The following SLC9A8 variants were observed in gnomAD, a reference collection of about 807,000 sequenced individuals.
The protein encoded by SLC9A8 is sodium/hydrogen exchanger 8.
SLC9A8 carries 48 observed loss-of-function variants against 66.6 expected under a neutral mutation model. The ratio of observed to expected loss-of-function variants is 0.72; its 90% CI spans 0.57 to 0.92. The LOEUF is 0.92. SLC9A8 is among the 40% of genes least tolerant of loss of function. SLC9A8 has a pLI of 0.00. For synonymous variants in SLC9A8, 274 were observed against 282.6 expected (o/e 0.97, Z 0.31); for missense variants, 599 against 747.3 (o/e 0.80, Z 2.31).
intron 11 of SLC9A8, 28 bp from the exon 12 acceptor site, chr20:49,877,953 G>A (rs926211616): frequency 2.0e-6 from 3 of 1,518,646 alleles, no homozygotes; most frequent in African/African-American, 2.8e-5. Context: ...CATTGGGGTT[G>A]AATAATCCAT....
intron 13 of SLC9A8, 42 bp downstream of exon 13, chr20:49,881,077 T>C (rs1255921915): frequency 2.2e-6 from 3 of 1,382,082 alleles, no homozygotes; most frequent in South Asian, 2.3e-5. Flanking sequence ...AAGTACCTGT[T>C]AAAAGCACGC....
In SLC9A8 at chr20:49,884,338, C is replaced by CACACACACACACACACACACACACACA. The variant is rs1600823664; in HGVS notation, c.1491+272_1491+273insACACACACACACACACACACACACACA. ...CACACACACACACACACACACACAC[C>CACACACACACACACACACACACACACA]CCCCGGTCATCCCCCCTGAGAAGGA... On this transcript the variant is annotated intron_variant, in intron 14 of 15. Transcript: ENST00000361573. Among the ~76,000 whole-genome samples, 78 of 44,606 alleles carry CACACACACACACACACACACACACACA rather than the reference C, an allele frequency of 1.7e-3. 27 individuals are homozygous for CACACACACACACACACACACACACACA. The highest frequency in any genetic ancestry group is 3.6e-3 in the South Asian group (4 of 1,110). The allele number at this position is 44,606 out of a possible 152,430, so 29.3% of individuals were successfully genotyped here.
intron 10 of SLC9A8, among the ~76,000 whole-genome samples, chr20:49,869,288 C>T (rs1013783654): frequency 4.6e-5 from 7 of 152,098 alleles, no homozygotes; most frequent in Non-Finnish European, 1.0e-4. Flanking sequence ...GGTGCCATCT[C>T]GGCTCACTGC....
intron 7 of SLC9A8, among the ~76,000 whole-genome samples, chr20:49,851,134 G>A (rs554474428): frequency 5.9e-5 from 9 of 152,302 alleles, no homozygotes; most frequent in Admixed American, 2.6e-4. Flanking sequence ...CTGTGTGCAC[G>A]CGTACACTGT....
rs1555848157 is a variant in SLC9A8 at position 49,884,221 on chromosome 20, C to CACACACACG, written c.1491+163_1491+164insGACACACAC. The CACACACACG allele has an allele frequency of 2.2e-3, 646 of 288,988 alleles. 1 individual carries two copies. The East Asian group carries it at 0.034, about 15-fold the overall frequency. The allele number at this position is 288,988 out of a possible 1,614,324, so 17.9% of individuals were successfully genotyped here. A position where few individuals can be genotyped will look rare whatever the true frequency, so the allele number is the denominator to read the frequency against. On this transcript the variant is annotated intron_variant, in intron 14 of 15. Transcript: ENST00000361573. ...CACGACACACACACACACACACACA[C>CACACACACG]ACACACACACACACACACACGACAC...
intron 13 of SLC9A8, among the ~76,000 whole-genome samples, chr20:49,882,529 G>A (rs1332145829): frequency 1.3e-5 from 2 of 152,168 alleles, no homozygotes; most frequent in Admixed American, 1.3e-4. Context: ...CACGTGTTCT[G>A]CACTTCACTG....
chr20:49,860,196 A>G (rs1041023579), intron 8 of SLC9A8, among the ~76,000 whole-genome samples: 4 of 152,172 alleles, frequency 2.6e-5, no homozygotes, highest in African/African-American at 9.7e-5. Flanking sequence ...TGGCTGCCAC[A>G]TTCCTCAAGG....
Position 49,862,983 on chromosome 20 carries a change from A to G in SLC9A8, c.768A>G (p.Thr256=). Reference sequence around the variant, plus strand: ...TGTCAGATGTCAGTGGGTGGCAAACATTTTTACAAGCCCTTGACTACTTCC... The same window carrying G: ...TGTCAGATGTCAGTGGGTGGCAAACGTTTTTACAAGCCCTTGACTACTTCC... ...KNMSDVSGWQ[T]FLQALDYFLK... Residue 256 remains threonine (T), a synonymous_variant, in exon 9 of 16, where the codon ACA becomes ACG. Coordinates refer to ENST00000361573, the MANE Select transcript of SLC9A8 (RefSeq NM_015266.3). 1 of 1,613,940 alleles carries G rather than the reference A, an allele frequency of 6.2e-7. No individual in the cohort carries two copies. The highest frequency in any genetic ancestry group is 8.5e-7 in the Non-Finnish European group (1 of 1,179,820).
chr20:49,850,872 G>A (rs771774954), intron 7 of SLC9A8, 28 bp downstream of exon 7: 1 of 1,544,456 alleles, frequency 6.5e-7, no homozygotes, highest in South Asian at 1.2e-5. Flanking sequence ...TAACACCCAT[G>A]CGACTGCTTT....
chr20:49,883,079 C>T (rs2089693275), intron 13 of SLC9A8, among the ~76,000 whole-genome samples: 1 of 148,560 alleles, frequency 6.7e-6, no homozygotes, highest in Non-Finnish European at 1.5e-5. Context: ...GTGCCTCCTC[C>T]CAGCTGCTCT....
Position 49,883,827 on chromosome 20 carries a change from A to ACTG in SLC9A8, c.1271-18_1271-16dup. On this transcript the variant is annotated intron_variant, in intron 13 of 15. Coordinates refer to ENST00000361573, the MANE Select transcript of SLC9A8 (RefSeq NM_015266.3). ...CTGCCTCTTCACTGTGTCCTCTCACACTGTTTGCTGTCACCCAGGCCTGCG... is the reference window on the plus strand; with the variant it reads ...CTGCCTCTTCACTGTGTCCTCTCACACTGCTGTTTGCTGTCACCCAGGCCTGCG... 1 of 1,594,028 alleles carries ACTG rather than the reference A, an allele frequency of 6.3e-7. No homozygotes were observed. Among genetic ancestry groups the ACTG allele is most frequent in the Non-Finnish European group, 8.5e-7 (1 of 1,173,250 alleles).
chr20:49,867,333 T>G (rs963874950), intron 10 of SLC9A8, among the ~76,000 whole-genome samples: 1 of 152,172 alleles, frequency 6.6e-6, no homozygotes, highest in African/African-American at 2.4e-5. Flanking sequence ...GTTTAATCCT[T>G]CTTGAGGCTT....
chr20:49,830,648 G>A, intron 3 of SLC9A8: 1 of 633,894 alleles, frequency 1.6e-6, no homozygotes, highest in African/African-American at 1.8e-5. Flanking sequence ...CTGGAGACAG[G>A]GGCCTATAGG....
intron 3 of SLC9A8, among the ~76,000 whole-genome samples, chr20:49,828,952 T>C (rs1347526615): frequency 2.0e-5 from 3 of 151,918 alleles, no homozygotes; most frequent in African/African-American, 7.3e-5. Flanking sequence ...CATTTATTTC[T>C]TTTTAACACA....
intron 6 of SLC9A8, 181 bp from the exon 7 acceptor site, chr20:49,850,629 A>G (rs537439852): frequency 9.7e-6 from 6 of 620,526 alleles, no homozygotes; most frequent in South Asian, 2.5e-5. Context: ...CTCTCGTTGC[A>G]TGCCGATGGA....
chr20:49,832,166 C>T (rs974866008), intron 3 of SLC9A8, among the ~76,000 whole-genome samples: 4 of 152,208 alleles, frequency 2.6e-5, no homozygotes, highest in African/African-American at 4.8e-5. Context: ...CCACCTTCCT[C>T]TCATGGAGAC....
At chr20:49,824,970 C>T (rs6067243) in intron 3 of SLC9A8, among the ~76,000 whole-genome samples, 2 of 152,014 alleles carry the variant, frequency 1.3e-5, no homozygotes, top group East Asian at 1.9e-4. Context: ...AGTAATGAGA[C>T]ATTTCCCCTT....
At position 49,878,070 on chromosome 20, in the gene SLC9A8, A is replaced by AT; in HGVS notation, c.1158+11dup. The AT allele has an allele frequency of 6.5e-7, 1 of 1,528,644 alleles. No individual in the cohort carries two copies. Among genetic ancestry groups the AT allele is most frequent in the African/African-American group, 1.4e-5 (1 of 70,198 alleles). The allele number at this position is 1,528,644 out of a possible 1,614,324, so 94.7% of individuals were successfully genotyped here. ...CTTTGTCATCTGGTGCATAGTAAGT[A>AT]TTTTCCTTTTTTTTTTTAAATTTAA... On this transcript the variant is annotated splice_region_variant and intron_variant, in intron 12 of 15. Coordinates refer to ENST00000361573, the MANE Select transcript of SLC9A8 (RefSeq NM_015266.3).
intron 3 of SLC9A8, chr20:49,831,021 A>G (rs1237197116): frequency 5.4e-6 from 4 of 739,212 alleles, no homozygotes; most frequent in Non-Finnish European, 7.6e-6. Flanking sequence ...CAGGTGTACA[A>G]AAGAGCCAAG....
Sources: gnomAD v4.1 joint callset for allele counts (sites outside exome capture counted in the v4.1 genomes callset) on GRCh38, gnomAD v4.1.1 for gene constraint, MANE v1.5 for transcripts, NCBI Gene and HGNC (gene_info 2026-07-23, HGNC 2026-07-21) for gene names.